The following DEFB134 variants were observed in gnomAD, a reference collection of about 807,000 sequenced individuals.
DEFB134 encodes beta-defensin 134.
A neutral mutation model predicts 7.4 loss-of-function variants in DEFB134; 7 were observed. The observed-to-expected ratio is 0.95, with a 90% CI of 0.54 to 1.79. The LOEUF is 1.79. Among genes scored for constraint, DEFB134 ranks in the 40% most tolerant of loss-of-function variants. The pLI, the probability that DEFB134 is intolerant of heterozygous loss-of-function variation, is 0.00. For missense variants in DEFB134, 105 were observed against 74.8 expected (o/e 1.40, Z -1.49); for synonymous variants, 33 against 25.0 (o/e 1.32, Z -0.96).
At chr8:11,993,942 G>C in exon 2 of DEFB134, 1 of 1,592,868 alleles carries the variant, frequency 6.3e-7, no homozygotes, top group Non-Finnish European at 8.5e-7. Context: ...GCAGAATCAA[G>C]GGCCTACAGG....
upstream of DEFB134, among the ~76,000 whole-genome samples, chr8:11,998,064 T>C (rs1193843568): frequency 6.6e-6 from 1 of 152,148 alleles, no homozygotes; most frequent in African/African-American, 2.4e-5. Context: ...CAAGAAGATC[T>C]CTCAAAACTA....
At chr8:11,993,895 A>T (rs1800044212) in exon 2 of DEFB134, 3 of 1,538,320 alleles carry the variant, frequency 2.0e-6, no homozygotes, top group Non-Finnish European at 2.6e-6. Context: ...TCATGGTGTC[A>T]CAGTTTGATC....
chr8:12,000,543 T>C (rs1353470141), upstream of DEFB134, among the ~76,000 whole-genome samples: 1 of 152,196 alleles, frequency 6.6e-6, no homozygotes, highest in Non-Finnish European at 1.5e-5. Flanking sequence ...ATACAGTGCT[T>C]TTTTTCTATA....
At chr8:11,995,007 A>C (rs141989022) in intron 1 of DEFB134, among the ~76,000 whole-genome samples, 1 of 152,338 alleles carries the variant, frequency 6.6e-6, no homozygotes, top group East Asian at 1.9e-4. Context: ...GAGCAAACAC[A>C]TACCCTATCT....
chr8:11,996,187 G>C lies in DEFB134; in HGVS notation c.58+7C>G, dbSNP rs772398096. On this transcript the variant is annotated splice_region_variant and intron_variant, in intron 1 of 1. Transcript: ENST00000526438. Reference sequence around the variant, plus strand: ...CACCCCTACCCCCCAAAATATGCCAGTTTTACCTGCCAGCACTGGATCCCA... The same window carrying C: ...CACCCCTACCCCCCAAAATATGCCACTTTTACCTGCCAGCACTGGATCCCA... 4 of 1,613,430 alleles carry C rather than the reference G, an allele frequency of 2.5e-6. No individual in the cohort carries two copies. Among genetic ancestry groups the C allele is most frequent in the East Asian group, 2.2e-5 (1 of 44,872 alleles).
upstream of DEFB134, among the ~76,000 whole-genome samples, chr8:11,997,011 A>C (rs1415992918): frequency 6.6e-6 from 1 of 152,226 alleles, no homozygotes; most frequent in African/African-American, 2.4e-5. Context: ...TGTCACATTC[A>C]AAATAATGAA....
chr8:11,994,373 G>C (rs1284342744), intron 1 of DEFB134, among the ~76,000 whole-genome samples: 2 of 152,120 alleles, frequency 1.3e-5, no homozygotes, highest in Non-Finnish European at 2.9e-5. Flanking sequence ...GTTAAATGAG[G>C]TCATGATGGT....
upstream of DEFB134, among the ~76,000 whole-genome samples, chr8:11,998,419 C>G (rs1019278112): frequency 3.3e-5 from 5 of 150,722 alleles, no homozygotes; most frequent in Non-Finnish European, 7.4e-5. Context: ...CTGCTCCACC[C>G]AAGCCTGGGT....
At chr8:11,993,986 T>G (rs1585091071) in exon 2 of DEFB134, 1 of 1,612,906 alleles carries the variant, frequency 6.2e-7, no homozygotes. Context: ...TATGTCAGGG[T>G]GCAGGATTTC....
At chr8:11,993,978 T>C (rs755895950) in exon 2 of DEFB134, 1 of 1,611,408 alleles carries the variant, frequency 6.2e-7, no homozygotes, top group Admixed American at 1.7e-5. Flanking sequence ...TGGTTTCTTA[T>C]GTCAGGGTGC....
chr8:11,996,396 C>T, upstream of DEFB134: 2 of 771,052 alleles, frequency 2.6e-6, no homozygotes, highest in Non-Finnish European at 4.2e-6. Context: ...CTACACTGAA[C>T]ACCCCTGAGG....
intron 1 of DEFB134, 92 bp downstream of exon 2, chr8:11,996,102 G>C: frequency 7.0e-7 from 1 of 1,427,472 alleles, no homozygotes; most frequent in Admixed American, 2.0e-5. Flanking sequence ...GAAAATTAAA[G>C]GGCCCATGGG....
chr8:11,999,332 G>C (rs1800210407), upstream of DEFB134: 1 of 222,824 alleles, frequency 4.5e-6, no homozygotes, highest in Non-Finnish European at 9.7e-6. Flanking sequence ...CTCAACCTCA[G>C]AGAGGACATG....
upstream of DEFB134, among the ~76,000 whole-genome samples, chr8:11,997,739 T>G (rs1309545570): frequency 1.3e-5 from 2 of 152,178 alleles, no homozygotes; most frequent in Non-Finnish European, 2.9e-5. Context: ...TAGAGACCTA[T>G]GAAGAGACTT....
chr8:11,998,199 A>G (rs577891003), upstream of DEFB134, among the ~76,000 whole-genome samples: 1 of 152,284 alleles, frequency 6.6e-6, no homozygotes, highest in African/African-American at 2.4e-5. Flanking sequence ...CTGTAACGCT[A>G]GCACTTTGGA....
At chr8:11,997,092 A>C (rs1800144196), upstream of DEFB134, among the ~76,000 whole-genome samples, 1 of 152,086 alleles carries the variant, frequency 6.6e-6, no homozygotes, top group South Asian at 2.1e-4. Flanking sequence ...TTCACCTCTC[A>C]GTCTAAAGGC....
At chr8:12,000,141 G>C (rs1208608409), upstream of DEFB134, among the ~76,000 whole-genome samples, 1 of 152,178 alleles carries the variant, frequency 6.6e-6, no homozygotes. Context: ...ATGTATTCTA[G>C]CCAACAGTGG....
chr8:11,996,155 T>C (rs891921357), intron 1 of DEFB134, 39 bp downstream of exon 2: 4 of 1,611,042 alleles, frequency 2.5e-6, no homozygotes, highest in Middle Eastern at 1.7e-4. Flanking sequence ...TGTTCTTCTA[T>C]ATGAAGCACC....
chr8:11,995,892 C>A (rs576771070), intron 1 of DEFB134, among the ~76,000 whole-genome samples: 63 of 150,792 alleles, frequency 4.2e-4, no homozygotes, highest in African/African-American at 1.4e-3. Flanking sequence ...TTGTGAGACT[C>A]TTCATTTCCA....
Sources: allele counts gnomAD v4.1 joint callset (sites outside exome capture counted in the v4.1 genomes callset), GRCh38; gene constraint gnomAD v4.1.1; transcripts MANE v1.5; gene names NCBI Gene and HGNC (gene_info 2026-07-23, HGNC 2026-07-21).